The following PIWIL4 variants were observed in gnomAD, a reference collection of about 807,000 sequenced individuals.
The protein encoded by PIWIL4 is piwi-like protein 4.
In PIWIL4, 50 loss-of-function variants were observed where a neutral mutation model predicts 100.9. The observed-to-expected ratio is 0.50, with a 90% confidence interval of 0.39 to 0.63. The LOEUF (loss-of-function observed/expected upper bound fraction) is 0.63, where lower values mean the gene tolerates loss of function less well. PIWIL4 is among the 20% of genes least tolerant of loss of function. PIWIL4 has a pLI of 0.00. For missense variants in PIWIL4, 887 were observed against 1,043.3 expected, an observed-to-expected ratio of 0.85 and a Z score of 2.06; for synonymous variants, 342 against 367.5, an observed-to-expected ratio of 0.93 and a Z score of 0.79.
intron 5 of PIWIL4, among the ~76,000 whole-genome samples, chr11:94,584,946 A>T (rs1274889290): frequency 4.6e-5 from 7 of 152,162 alleles, no homozygotes; most frequent in Non-Finnish European, 1.0e-4. Context: ...CTTGCCTGTA[A>T]TCCCAGCTAC....
In PIWIL4 at chr11:94,605,451, T is replaced by C. The variant is rs555523670; in HGVS notation, c.1638+1395T>C. Among the ~76,000 whole-genome samples, 10 of 152,336 alleles carry C rather than the reference T, an allele frequency of 6.6e-5. No homozygotes were observed. In the South Asian group the frequency reaches 2.1e-3, roughly 32 times the overall value. ...CACAGCAATGATCCTATATTCTAAGTGCATCCTACCAGGTGTCACTCCACT... is the reference window on the plus strand; with the variant it reads ...CACAGCAATGATCCTATATTCTAAGCGCATCCTACCAGGTGTCACTCCACT... On this transcript the variant is annotated intron_variant, in intron 13 of 19. Transcript: ENST00000299001.
At chr11:94,581,653 G>T (rs1276281945) in intron 4 of PIWIL4, among the ~76,000 whole-genome samples, 1 of 152,218 alleles carries the variant, frequency 6.6e-6, no homozygotes, top group Non-Finnish European at 1.5e-5. Flanking sequence ...GAGGTGGGAA[G>T]AGTAGTAAAG....
At position 94,599,320 on chromosome 11, in the gene PIWIL4, G is replaced by A. The variant is rs79286049; in HGVS notation, c.1380+1405G>A. On this transcript the variant is annotated intron_variant, in intron 11 of 19. Coordinates refer to ENST00000299001, the MANE Select transcript of PIWIL4 (RefSeq NM_152431.3). ...TAGAAACTGGTGTCCATAGGAGAAA[G>A]GGCATTAAAACAGGAGAACTCATGC... Among the ~76,000 whole-genome samples, 59 of 152,194 alleles carry A rather than the reference G, an allele frequency of 3.9e-4. No individual in the cohort carries two copies. In the East Asian group the frequency reaches 9.7e-3, roughly 25 times the overall value.
intron 1 of PIWIL4, 134 bp from the exon 2 acceptor site, chr11:94,568,596 C>T (rs918190505): frequency 4.6e-6 from 3 of 647,456 alleles, no homozygotes; most frequent in Non-Finnish European, 8.2e-6. Flanking sequence ...TCTCATCTCT[C>T]AAGGGTTTTA....
At chr11:94,608,039 A>C in intron 14 of PIWIL4, 1 of 189,878 alleles carries the variant, frequency 5.3e-6, no homozygotes. Flanking sequence ...TACTGAGAAA[A>C]TCCTCTTCTC....
chr11:94,597,728 GA>G, intron 10 of PIWIL4, 75 bp from the exon 11 acceptor site: 1 of 1,044,016 alleles, frequency 9.6e-7, no homozygotes, highest in Non-Finnish European at 1.4e-6. Flanking sequence ...TGAAGACACA[GA>G]AAATCAGCCC....
At chr11:94,604,900 C>T (rs1375049985) in intron 13 of PIWIL4, among the ~76,000 whole-genome samples, 1 of 152,290 alleles carries the variant, frequency 6.6e-6, no homozygotes, top group South Asian at 2.1e-4. Context: ...TTATATGAAA[C>T]AGAGAATTCT....
At chr11:94,580,525 T>G (rs1218380607) in intron 4 of PIWIL4, among the ~76,000 whole-genome samples, 1 of 152,142 alleles carries the variant, frequency 6.6e-6, no homozygotes, top group Non-Finnish European at 1.5e-5. Context: ...TATTTGCCAC[T>G]CTCATATACT....
Position 94,567,548 on chromosome 11 carries a change from A to T in PIWIL4, c.30A>T (p.Arg10Ser). The change falls in exon 1 of 20, where the codon AGA becomes AGT. Residue 10 changes from arginine to serine, a missense_variant. By Grantham distance (110) the Arg-to-Ser change is moderately radical. Around this residue, in one of 2 missense-constraint regions of PIWIL4, gnomAD observed 146 missense variants for 113.4 expected, o/e 1.29. Transcript: ENST00000299001. MSGRARVKARGIARSPSATE... is the reference protein window; with the variant it reads MSGRARVKASGIARSPSATE... ...GTGGAAGAGCCCGAGTGAAGGCCAGAGGCATCGCCCGCAGCCCCAGTGCCA... is the reference window on the plus strand; with the variant it reads ...GTGGAAGAGCCCGAGTGAAGGCCAGTGGCATCGCCCGCAGCCCCAGTGCCA... The T allele has an allele frequency of 6.2e-7, 1 of 1,605,434 alleles. No individual in the cohort carries two copies. Among genetic ancestry groups the T allele is most frequent in the Non-Finnish European group, 8.5e-7 (1 of 1,176,280 alleles).
chr11:94,615,485 T>C (rs1013625459), intron 15 of PIWIL4, among the ~76,000 whole-genome samples: 1 of 152,208 alleles, frequency 6.6e-6, no homozygotes, highest in African/African-American at 2.4e-5. Flanking sequence ...CATGGGTAAT[T>C]GTCAAAATTG....
chr11:94,584,805 C>T (rs1695035561), intron 5 of PIWIL4, among the ~76,000 whole-genome samples: 1 of 152,168 alleles, frequency 6.6e-6, no homozygotes, highest in Non-Finnish European at 1.5e-5. Flanking sequence ...TGGCTCACAC[C>T]TGTAATCCCA....
intron 4 of PIWIL4, among the ~76,000 whole-genome samples, chr11:94,578,773 G>C (rs1194356945): frequency 2.6e-5 from 4 of 152,146 alleles, no homozygotes; most frequent in Non-Finnish European, 5.9e-5. Flanking sequence ...TTATTTGGGT[G>C]CAAAATTTTT....
At chr11:94,598,807 A>C (rs369838700) in intron 11 of PIWIL4, among the ~76,000 whole-genome samples, 168 of 150,424 alleles carry the variant, frequency 1.1e-3, no homozygotes, top group African/African-American at 3.9e-3. Flanking sequence ...TCCTGGGCTC[A>C]AGCGATCCTG....
intron 13 of PIWIL4, among the ~76,000 whole-genome samples, 182 bp from the exon 14 acceptor site, chr11:94,607,257 T>C (rs1055891919): frequency 1.3e-5 from 2 of 152,112 alleles, no homozygotes; most frequent in Non-Finnish European, 2.9e-5. Flanking sequence ...TTCAAATGGA[T>C]TGATTAATTC....
chr11:94,618,323 G>A (rs979684337), intron 17 of PIWIL4, among the ~76,000 whole-genome samples: 7 of 152,170 alleles, frequency 4.6e-5, no homozygotes, highest in Non-Finnish European at 8.8e-5. Flanking sequence ...AGCTTTGGGG[G>A]CCCTGGGAGG....
chr11:94,576,616 A>C (rs1381873903), intron 3 of PIWIL4, among the ~76,000 whole-genome samples: 1 of 152,148 alleles, frequency 6.6e-6, no homozygotes, highest in African/African-American at 2.4e-5. Context: ...TGTGAATAAA[A>C]ATGTCTGTAA....
intron 5 of PIWIL4, among the ~76,000 whole-genome samples, chr11:94,584,921 G>A (rs1347486857): frequency 2.6e-5 from 4 of 152,116 alleles, no homozygotes; most frequent in African/African-American, 9.7e-5. Context: ...AAAATTAGCC[G>A]GGCGTGGTGG....
intron 3 of PIWIL4, among the ~76,000 whole-genome samples, chr11:94,575,571 C>A (rs1591776039): frequency 6.6e-6 from 1 of 152,290 alleles, no homozygotes; most frequent in East Asian, 1.9e-4. Flanking sequence ...TCATTGGATT[C>A]TCAAAAGTCT....
chr11:94,601,974 C>A lies in PIWIL4; in HGVS notation c.1560C>A (p.Pro520=). 6.2e-7 allele frequency: 1 copy of A among 1,602,740 alleles called. No individual in the cohort carries two copies. Among genetic ancestry groups the A allele is most frequent in the East Asian group, 2.2e-5 (1 of 44,678 alleles). ...AGSMGFNVDY[P]KIIKVQENPA... ...CCATGGGATTTAATGTGGACTACCC[C>A]AAAATGTGAGAATACATTGAATTTT... Residue 520 remains proline (P), a synonymous_variant, in exon 12 of 20, where the codon CCC becomes CCA. Coordinates refer to ENST00000299001, the MANE Select transcript of PIWIL4 (RefSeq NM_152431.3).
Sources: gnomAD v4.1 joint callset for allele counts (sites outside exome capture counted in the v4.1 genomes callset) on GRCh38, gnomAD v4.1.1 for gene constraint, gnomAD v4.1.1 regional missense constraint, MANE v1.5 for transcripts, NCBI Gene and HGNC (gene_info 2026-07-23, HGNC 2026-07-21) for gene names.